Variants in NRXN1 observed in about 807,000 individuals in gnomAD.
NRXN1 encodes neurexin 1.
Under a neutral mutation model 150.9 loss-of-function variants are expected in NRXN1, and 39 were observed. The observed-to-expected ratio is 0.26, with a 90% CI of 0.20 to 0.34. The LOEUF (loss-of-function observed/expected upper bound fraction) is 0.34. NRXN1 is among the 10% of genes least tolerant of loss of function. The pLI is 1.00. For synonymous variants in NRXN1, 924 were observed against 757.0 expected, an observed-to-expected ratio of 1.22 and a Z score of -3.62; for missense variants, 1,815 against 1,949.9, an observed-to-expected ratio of 0.93 and a Z score of 1.30.
intron 2 of NRXN1, among the ~76,000 whole-genome samples, chr2:50,994,894 ACT>A (rs563809894): frequency 3.3e-4 from 50 of 152,166 alleles, no homozygotes; most frequent in African/African-American, 1.1e-3. Context: ...ATGCAATTAC[ACT>A]GTTTTTTTAA....
chr2:50,985,434 A>C (rs951833961), intron 2 of NRXN1: 1 of 151,840 alleles, frequency 6.6e-6, no homozygotes, highest in Non-Finnish European at 1.5e-5. Flanking sequence ...TTAATAGAAG[A>C]GTATGGAGAG....
intron 2 of NRXN1, among the ~76,000 whole-genome samples, chr2:50,978,783 T>A (rs1187901703): frequency 6.6e-6 from 1 of 152,072 alleles, no homozygotes; most frequent in Non-Finnish European, 1.5e-5. Context: ...TGAATTATGA[T>A]AACGAGAAAA....
chr2:50,122,145 C>CA (rs893075572), intron 18 of NRXN1, among the ~76,000 whole-genome samples: 9 of 150,106 alleles, frequency 6.0e-5, no homozygotes, highest in African/African-American at 9.7e-5. Flanking sequence ...AATATCCCTT[C>CA]AAAAAAAAAA....
At chr2:50,184,159 C>G (rs1017750695) in intron 18 of NRXN1, among the ~76,000 whole-genome samples, 1 of 152,060 alleles carries the variant, frequency 6.6e-6, no homozygotes, top group Non-Finnish European at 1.5e-5. Flanking sequence ...AAACAAAAAA[C>G]TTGAATATTG....
intron 5 of NRXN1, among the ~76,000 whole-genome samples, chr2:50,773,003 C>T (rs1035088479): frequency 1.3e-5 from 2 of 152,080 alleles, no homozygotes; most frequent in Non-Finnish European, 2.9e-5. Flanking sequence ...ACTTTGCTTT[C>T]CCACTGTGCT....
At chr2:50,414,424 T>C (rs1008236285) in intron 17 of NRXN1, among the ~76,000 whole-genome samples, 3 of 152,134 alleles carry the variant, frequency 2.0e-5, no homozygotes, top group African/African-American at 4.8e-5. Flanking sequence ...CCCATAAATA[T>C]ACTCCATAAA....
intron 2 of NRXN1, among the ~76,000 whole-genome samples, chr2:50,951,300 T>A (rs1691292654): frequency 2.0e-5 from 3 of 152,142 alleles, no homozygotes; most frequent in African/African-American, 7.2e-5. Flanking sequence ...TTTCACAGGA[T>A]CAGAGAATGT....
chr2:50,702,065 A>C (rs1336423883), intron 5 of NRXN1, among the ~76,000 whole-genome samples: 1 of 152,140 alleles, frequency 6.6e-6, no homozygotes, highest in Non-Finnish European at 1.5e-5. Context: ...TTCCAAAAAG[A>C]TTGTTTCATA....
At chr2:50,748,241 A>G (rs369517257) in intron 5 of NRXN1, among the ~76,000 whole-genome samples, 12 of 152,262 alleles carry the variant, frequency 7.9e-5, no homozygotes, top group African/African-American at 2.9e-4. Context: ...TTGCTCCTAT[A>G]GAAAGACTGC....
intron 8 of NRXN1, among the ~76,000 whole-genome samples, chr2:50,554,226 TATATA>T (rs1667910625): frequency 6.6e-6 from 1 of 152,164 alleles, no homozygotes. Context: ...ATGGGTGTTT[TATATA>T]ATATATGTAA....
At chr2:50,598,287 G>A (rs925938553) in intron 8 of NRXN1, among the ~76,000 whole-genome samples, 20 of 152,192 alleles carry the variant, frequency 1.3e-4, no homozygotes, top group African/African-American at 4.6e-4. Context: ...CAGCACAGAG[G>A]AGGGAAACAG....
chr2:50,595,879 A>G (rs1573710655), intron 8 of NRXN1, among the ~76,000 whole-genome samples: 1 of 152,388 alleles, frequency 6.6e-6, no homozygotes, highest in East Asian at 1.9e-4. Context: ...TGCAAAAAAT[A>G]AGCAAAAGCT....
At chr2:50,890,071 A>G (rs1248287591) in intron 5 of NRXN1, among the ~76,000 whole-genome samples, 2 of 151,790 alleles carry the variant, frequency 1.3e-5, no homozygotes, top group Non-Finnish European at 3.0e-5. Flanking sequence ...TTCCTTTAAT[A>G]TAGAGGCTTA....
At chr2:50,384,322 C>A (rs1189525721) in intron 17 of NRXN1, among the ~76,000 whole-genome samples, 1 of 151,530 alleles carries the variant, frequency 6.6e-6, no homozygotes, top group Non-Finnish European at 1.5e-5. Flanking sequence ...CTGGCCAACA[C>A]GGTGAAACCC....
Position 50,280,552 on chromosome 2 carries a change from A to G in NRXN1, c.3365-43582T>C, listed in dbSNP as rs888785672. Among the ~76,000 whole-genome samples, 7 of 152,130 alleles carry G rather than the reference A, an allele frequency of 4.6e-5. No homozygotes were observed. The East Asian group carries it at 7.7e-4, about 17-fold the overall frequency. On this transcript the variant is annotated intron_variant, in intron 17 of 22. Transcript: ENST00000401669. ...GTTGGCCAAATATTGTATTTCATCTATTGGAAGCTCAGCCTCCTCATCTGT... is the reference window on the plus strand; with the variant it reads ...GTTGGCCAAATATTGTATTTCATCTGTTGGAAGCTCAGCCTCCTCATCTGT...
At chr2:50,857,030 A>C (rs909143983) in intron 5 of NRXN1, among the ~76,000 whole-genome samples, 2 of 152,124 alleles carry the variant, frequency 1.3e-5, no homozygotes, top group African/African-American at 2.4e-5. Context: ...GTTTAGATTA[A>C]GTTGGCTAAA....
intron 2 of NRXN1, among the ~76,000 whole-genome samples, chr2:51,000,753 C>A (rs996964655): frequency 4.0e-5 from 6 of 151,564 alleles, no homozygotes; most frequent in African/African-American, 1.5e-4. Flanking sequence ...GAACAATATA[C>A]CTTAATTCCG....
chr2:50,317,028 T>A (rs2075665597), intron 17 of NRXN1, among the ~76,000 whole-genome samples: 1 of 152,012 alleles, frequency 6.6e-6, no homozygotes, highest in South Asian at 2.1e-4. Flanking sequence ...TTAAAGAGTA[T>A]TTTGGAGTTA....
At chr2:50,456,595 G>C (rs982537294) in intron 17 of NRXN1, among the ~76,000 whole-genome samples, 3 of 152,064 alleles carry the variant, frequency 2.0e-5, no homozygotes, top group Admixed American at 2.0e-4. Flanking sequence ...TTCCTTCACA[G>C]TAATATTTTT....
Sources: allele counts gnomAD v4.1 joint callset (sites outside exome capture counted in the v4.1 genomes callset), GRCh38; gene constraint gnomAD v4.1.1; transcripts MANE v1.5; gene names NCBI Gene and HGNC (gene_info 2026-07-23, HGNC 2026-07-21).